The following SERPINI1 variants were observed in gnomAD, a reference collection of about 807,000 sequenced individuals.
The protein encoded by SERPINI1 is serpin family I member 1.
SERPINI1 carries 19 observed loss-of-function variants against 41.1 expected under a neutral mutation model. The observed-to-expected ratio is 0.46, with a 90% CI of 0.32 to 0.68. The LOEUF (loss-of-function observed/expected upper bound fraction) is 0.68. SERPINI1 is among the 30% of genes least tolerant of loss of function. The pLI, the probability that SERPINI1 is intolerant of heterozygous loss-of-function variation, is 0.03. For missense variants in SERPINI1, 460 were observed against 479.2 expected (o/e 0.96, Z 0.37); for synonymous variants, 138 against 156.6 (o/e 0.88, Z 0.89).
chr3:167,784,331 C>G (rs953027317), intron 1 of SERPINI1, among the ~76,000 whole-genome samples: 2 of 152,234 alleles, frequency 1.3e-5, no homozygotes, highest in Middle Eastern at 3.4e-3. Flanking sequence ...TACACTCTTG[C>G]AAATAATGTG....
In SERPINI1 at chr3:167,759,400, G is replaced by GTATATATATATATATATATATATATATA. The variant is rs71753556; in HGVS notation, c.-19+23598_-19+23599insATATATATATATATATATATATATATAT. Among the ~76,000 whole-genome samples, 568 of 120,782 alleles carry GTATATATATATATATATATATATATATA rather than the reference G, an allele frequency of 4.7e-3. 15 individuals carry two copies. Among genetic ancestry groups the GTATATATATATATATATATATATATATA allele is most frequent in the African/African-American group, 6.1e-3 (201 of 32,834 alleles). The allele number at this position is 120,782 out of a possible 152,430, so 79.2% of individuals were successfully genotyped here. On this transcript the variant is annotated intron_variant, in intron 1 of 8. Coordinates refer to ENST00000446050, the MANE Select transcript of SERPINI1 (RefSeq NM_001122752.2). ...ATCAACATTGGATAAAGAAAATGTGGTATATATATATATATATATATGCGC... is the reference window on the plus strand; with the variant it reads ...ATCAACATTGGATAAAGAAAATGTGGTATATATATATATATATATATATATATATATATATATATATATATATATGCGC...
intron 1 of SERPINI1, among the ~76,000 whole-genome samples, chr3:167,743,998 G>C (rs971423442): frequency 3.3e-5 from 5 of 152,060 alleles, no homozygotes; most frequent in African/African-American, 1.2e-4. Flanking sequence ...TATTAAGGCT[G>C]CCTTCTCGGT....
chr3:167,772,874 A>C (rs1237332313), intron 1 of SERPINI1, among the ~76,000 whole-genome samples: 76 of 50,800 alleles, frequency 1.5e-3, no homozygotes, highest in Non-Finnish European at 1.7e-3. Flanking sequence ...CTATATATAT[A>C]TATATATATA....
intron 5 of SERPINI1, among the ~76,000 whole-genome samples, 187 bp downstream of exon 5, chr3:167,795,011 T>G (rs912163889): frequency 6.6e-6 from 1 of 152,148 alleles, no homozygotes; most frequent in African/African-American, 2.4e-5. Flanking sequence ...TAGTATTCTT[T>G]CATAGTCATT....
rs1052270901 is a variant in SERPINI1, at chr3:167,822,381, A to G, written c.980-605A>G. ...AACAGGCATAAATAGGAAGGGAAAA[A>G]CAGTCCTCCTAATGCTAAAAATGTG... is the stretch of plus-strand genomic sequence containing the variant. On this transcript the variant is annotated intron_variant, in intron 6 of 8. Transcript: ENST00000446050. 7.2e-5 allele frequency among the ~76,000 whole-genome samples: 11 copies of G among 152,246 alleles called. No homozygotes were observed. In the East Asian group the frequency reaches 1.3e-3, roughly 19 times the overall value.
At chr3:167,791,353 A>G (rs1727500659) in intron 3 of SERPINI1, among the ~76,000 whole-genome samples, 1 of 152,194 alleles carries the variant, frequency 6.6e-6, no homozygotes. Flanking sequence ...TGGAACAACA[A>G]CAAAAATAAC....
chr3:167,789,147 T>C lies in SERPINI1; in HGVS notation c.19T>C (p.Phe7Leu), dbSNP rs1244643717. 1 of 1,614,010 alleles carries C rather than the reference T, an allele frequency of 6.2e-7. No individual in the cohort carries two copies. Among genetic ancestry groups the C allele is most frequent in the African/African-American group, 1.3e-5 (1 of 74,940 alleles). Reference protein sequence around the residue: MAFLGLFSLLVLQSMAT... With the variant: MAFLGLLSLLVLQSMAT... The stretch of plus-strand genomic sequence containing the variant: ...TTACAATATGGCTTTCCTTGGACTC[T>C]TCTCTTTGCTGGTTCTGCAAAGTAT... The change falls in exon 2 of 9, where the codon TTC becomes CTC. Residue 7 changes from phenylalanine (F) to leucine (L), a missense_variant. Coordinates refer to ENST00000446050, the MANE Select transcript of SERPINI1 (RefSeq NM_001122752.2).
chr3:167,804,128 C>T (rs902953775), intron 5 of SERPINI1, among the ~76,000 whole-genome samples: 3 of 152,188 alleles, frequency 2.0e-5, no homozygotes, highest in Non-Finnish European at 2.9e-5. Flanking sequence ...ACTTCACAAT[C>T]AATACCTGCT....
chr3:167,806,053 C>T lies in SERPINI1; in HGVS notation c.882-1191C>T, dbSNP rs1257222669. Among the ~76,000 whole-genome samples, 4 of 152,078 alleles carry T rather than the reference C, an allele frequency of 2.6e-5. No individual in the cohort carries two copies. In the East Asian group the frequency reaches 7.7e-4, roughly 29 times the overall value. ...TATATTGAAGCACTATTTACAATAG[C>T]AAAGACTTGGAACCAACCCAAATGT... On this transcript the variant is annotated intron_variant, in intron 5 of 8. Coordinates refer to ENST00000446050, the MANE Select transcript of SERPINI1 (RefSeq NM_001122752.2).
rs180813162 is a variant in SERPINI1 at position 167,803,711 on chromosome 3, A to G, written c.882-3533A>G. Among the ~76,000 whole-genome samples, 299 of 152,292 alleles carry G rather than the reference A, an allele frequency of 2.0e-3. 2 individuals are homozygous for G. The highest frequency in any genetic ancestry group is 3.4e-3 in the Non-Finnish European group (234 of 68,020). ...TGAAACAAACTAAGCTGCTTTTAAG[A>G]AGCAAAAAGAATCCCCTACTAATAT... is the stretch of plus-strand genomic sequence containing the variant. On this transcript the variant is annotated intron_variant, in intron 5 of 8. Transcript: ENST00000446050.
intron 6 of SERPINI1, among the ~76,000 whole-genome samples, chr3:167,814,640 T>C (rs888429543): frequency 9.2e-5 from 14 of 152,336 alleles, no homozygotes; most frequent in African/African-American, 3.1e-4. Flanking sequence ...ATGATGTTAA[T>C]CTCAGATACT....
intron 6 of SERPINI1, among the ~76,000 whole-genome samples, chr3:167,808,019 G>C (rs1375115324): frequency 2.0e-5 from 3 of 151,976 alleles, no homozygotes; most frequent in African/African-American, 7.3e-5. Flanking sequence ...TCGGGAGGCT[G>C]AGGCAGGAGA....
At chr3:167,737,006 T>C (rs982984012) in intron 1 of SERPINI1, among the ~76,000 whole-genome samples, 10 of 152,130 alleles carry the variant, frequency 6.6e-5, no homozygotes, top group African/African-American at 2.2e-4. Context: ...CTCAATACTT[T>C]ATGTTTTTTT....
At chr3:167,798,290 T>C (rs1314134400) in intron 5 of SERPINI1, among the ~76,000 whole-genome samples, 1 of 152,168 alleles carries the variant, frequency 6.6e-6, no homozygotes, top group African/African-American at 2.4e-5. Flanking sequence ...TAGGCACAGG[T>C]AATTATCATG....
At chr3:167,754,024 G>A (rs1031982852) in intron 1 of SERPINI1, among the ~76,000 whole-genome samples, 3 of 152,186 alleles carry the variant, frequency 2.0e-5, no homozygotes, top group East Asian at 3.8e-4. Flanking sequence ...CCAAAATCAT[G>A]TATTAACCTT....
chr3:167,798,637 A>G (rs1727791404), intron 5 of SERPINI1, among the ~76,000 whole-genome samples: 1 of 152,202 alleles, frequency 6.6e-6, no homozygotes. Context: ...TGAAAATGCA[A>G]CTTGCATTTC....
intron 5 of SERPINI1, among the ~76,000 whole-genome samples, chr3:167,802,805 C>T (rs1261954260): frequency 6.6e-6 from 1 of 150,542 alleles, no homozygotes; most frequent in African/African-American, 2.5e-5. Context: ...ATAAATCATG[C>T]TGCTATAAAG....
intron 1 of SERPINI1, among the ~76,000 whole-genome samples, chr3:167,786,776 T>G (rs1185972063): frequency 2.0e-5 from 3 of 152,184 alleles, no homozygotes; most frequent in African/African-American, 7.2e-5. Flanking sequence ...TTTATAAAGT[T>G]TTAAATGTTT....
At chr3:167,820,558 T>G (rs990741420) in intron 6 of SERPINI1, among the ~76,000 whole-genome samples, 3 of 152,210 alleles carry the variant, frequency 2.0e-5, no homozygotes. Context: ...TGCACATGCC[T>G]GGGGCAGTGC....
Sources: gnomAD v4.1 joint callset for allele counts (sites outside exome capture counted in the v4.1 genomes callset) on GRCh38, gnomAD v4.1.1 for gene constraint, MANE v1.5 for transcripts, NCBI Gene and HGNC (gene_info 2026-07-23, HGNC 2026-07-21) for gene names.